SPOCK3: variants seen among roughly 807,000 people sequenced by gnomAD.
SPOCK3 encodes the protein SPARC (osteonectin), cwcv and kazal like domains proteoglycan 3.
A neutral mutation model predicts 56.6 loss-of-function variants in SPOCK3; 30 were observed. The observed-to-expected ratio is 0.53, with a 90% CI of 0.40 to 0.72. SPOCK3 has a LOEUF of 0.72. Ranked by LOEUF, SPOCK3 falls within the 30% of genes least tolerant of loss-of-function variation. The pLI, the probability that SPOCK3 is intolerant of heterozygous loss-of-function variation, is 0.00. For synonymous variants in SPOCK3, 196 were observed against 183.3 expected (o/e 1.07, Z -0.56); for missense variants, 527 against 530.0 (o/e 0.99, Z 0.06).
At chr4:167,090,121 T>C (rs948051856) in intron 2 of SPOCK3, among the ~76,000 whole-genome samples, 4 of 152,198 alleles carry the variant, frequency 2.6e-5, no homozygotes, top group African/African-American at 4.8e-5. Context: ...ATGTTTTTAT[T>C]TCTTATGCAT....
chr4:166,809,108 C>G (rs1053038062), intron 6 of SPOCK3, among the ~76,000 whole-genome samples: 4 of 152,006 alleles, frequency 2.6e-5, no homozygotes, highest in Non-Finnish European at 4.4e-5. Context: ...TCATACTTCT[C>G]TCATTAATAA....
chr4:166,970,678 T>C (rs992313764), intron 4 of SPOCK3, among the ~76,000 whole-genome samples: 1 of 151,748 alleles, frequency 6.6e-6, no homozygotes, highest in Non-Finnish European at 1.5e-5. Context: ...TGAACTGAGA[T>C]TGTGCCACTG....
intron 5 of SPOCK3, among the ~76,000 whole-genome samples, chr4:166,895,904 T>C (rs993686395): frequency 6.6e-6 from 1 of 152,056 alleles, no homozygotes; most frequent in Non-Finnish European, 1.5e-5. Context: ...TCCCCTTGAG[T>C]AAATCTGAGG....
At chr4:167,222,195 A>G (rs1377607591) in intron 2 of SPOCK3, among the ~76,000 whole-genome samples, 1 of 152,126 alleles carries the variant, frequency 6.6e-6, no homozygotes, top group African/African-American at 2.4e-5. Context: ...AACAAAAGCC[A>G]GTCACAAATA....
intron 6 of SPOCK3, among the ~76,000 whole-genome samples, chr4:166,852,984 G>A (rs1579429532): frequency 2.0e-5 from 3 of 152,280 alleles, no homozygotes; most frequent in Admixed American, 1.3e-4. Context: ...TGGACTAGAT[G>A]TAAGCAGCTT....
chr4:166,886,866 G>T (rs1275284083), intron 6 of SPOCK3, among the ~76,000 whole-genome samples: 2 of 152,112 alleles, frequency 1.3e-5, no homozygotes, highest in Non-Finnish European at 2.9e-5. Flanking sequence ...TATTTCCCCT[G>T]TCTCTCAGCC....
At chr4:167,220,378 C>CT (rs61002914) in intron 2 of SPOCK3, among the ~76,000 whole-genome samples, 102,665 of 130,022 alleles carry the variant, frequency 0.79, 40,729 homozygotes, top group South Asian at 0.83. Context: ...ACTGTAAGAA[C>CT]TTTTTTTTTT....
chr4:166,903,815 G>A (rs528759583), intron 5 of SPOCK3, among the ~76,000 whole-genome samples: 14 of 152,038 alleles, frequency 9.2e-5, no homozygotes, highest in South Asian at 6.2e-4. Context: ...GGTGGGAAGC[G>A]GTTAAAGGCC....
At chr4:167,233,841 C>A (rs1737438223) in intron 2 of SPOCK3, 144 bp downstream of exon 2, 3 of 700,230 alleles carry the variant, frequency 4.3e-6, no homozygotes, top group African/African-American at 1.8e-5. Flanking sequence ...CTGTGAACTT[C>A]TCCAGCAGCC....
chr4:167,094,818 G>A (rs769344267), intron 2 of SPOCK3, among the ~76,000 whole-genome samples: 2 of 151,966 alleles, frequency 1.3e-5, no homozygotes, highest in Non-Finnish European at 2.9e-5. Context: ...TATTATTCGG[G>A]GTTCTCCAGA....
chr4:166,970,846 T>C (rs1745302558), intron 4 of SPOCK3, among the ~76,000 whole-genome samples: 1 of 152,168 alleles, frequency 6.6e-6, no homozygotes, highest in Non-Finnish European at 1.5e-5. Context: ...CCATTTGGTA[T>C]ATTGCCAACT....
chr4:167,136,413 A>G (rs75411757), intron 2 of SPOCK3, among the ~76,000 whole-genome samples: 4 of 152,114 alleles, frequency 2.6e-5, no homozygotes, highest in Non-Finnish European at 5.9e-5. Flanking sequence ...TATTTCTGTA[A>G]AAAGAACAAC....
chr4:166,889,640 G>A (rs917692177), intron 5 of SPOCK3, among the ~76,000 whole-genome samples: 4 of 151,922 alleles, frequency 2.6e-5, no homozygotes, highest in Admixed American at 2.6e-4. Flanking sequence ...ACTTAAGTAA[G>A]CATGTCTTCT....
chr4:167,050,999 G>A (rs1164524732), intron 3 of SPOCK3, among the ~76,000 whole-genome samples: 1 of 152,088 alleles, frequency 6.6e-6, no homozygotes, highest in Non-Finnish European at 1.5e-5. Context: ...CCTGGAGATG[G>A]ATAATAACAA....
intron 7 of SPOCK3, among the ~76,000 whole-genome samples, chr4:166,778,104 T>C (rs1277830297): frequency 6.6e-6 from 1 of 152,186 alleles, no homozygotes; most frequent in Non-Finnish European, 1.5e-5. Context: ...TCATATTTTG[T>C]AAGAATTGTC....
chr4:166,882,455 A>C (rs1733778730), intron 6 of SPOCK3, among the ~76,000 whole-genome samples: 1 of 152,178 alleles, frequency 6.6e-6, no homozygotes, highest in Non-Finnish European at 1.5e-5. Flanking sequence ...AAACCTGTTA[A>C]ATATTTTGAC....
At chr4:166,846,731 A>G (rs1035570549) in intron 6 of SPOCK3, among the ~76,000 whole-genome samples, 1 of 152,176 alleles carries the variant, frequency 6.6e-6, no homozygotes, top group Non-Finnish European at 1.5e-5. Flanking sequence ...TATTTTAATG[A>G]TTTGGGTGTA....
chr4:167,102,499 C>T (rs904439474), intron 2 of SPOCK3: 3 of 152,222 alleles, frequency 2.0e-5, no homozygotes, highest in Non-Finnish European at 4.4e-5. Context: ...TATTGAACTG[C>T]TTATACTACT....
At chr4:167,014,980 A>AT (rs1750471801) in intron 3 of SPOCK3, among the ~76,000 whole-genome samples, 1 of 151,964 alleles carries the variant, frequency 6.6e-6, no homozygotes, top group African/African-American at 2.4e-5. Context: ...TTTTAAAAAT[A>AT]TTTTTGTAAT....
Sources: allele counts gnomAD v4.1 joint callset (sites outside exome capture counted in the v4.1 genomes callset), GRCh38; gene constraint gnomAD v4.1.1; transcripts MANE v1.5; gene names NCBI Gene and HGNC (gene_info 2026-07-23, HGNC 2026-07-21).